GREB1L: variants seen among roughly 807,000 people sequenced by gnomAD.
GREB1L encodes GREB1-like protein.
A neutral mutation model predicts 200.8 loss-of-function variants in GREB1L; 17 were observed. The observed-to-expected ratio is 0.08, with a 90% CI of 0.06 to 0.13. GREB1L has a LOEUF of 0.13. Ranked by LOEUF, GREB1L falls within the 10% of genes least tolerant of loss-of-function variation. The pLI, the probability that GREB1L is intolerant of heterozygous loss-of-function variation, is 1.00. For missense variants in GREB1L, 1,657 were observed against 2,367.7 expected (o/e 0.70, Z 6.23); for synonymous variants, 789 against 893.0 (o/e 0.88, Z 2.08).
At chr18:21,428,332 CTTTTTTTTTTT>C (rs59982674) in intron 7 of GREB1L, among the ~76,000 whole-genome samples, 10 of 54,024 alleles carry the variant, frequency 1.9e-4, no homozygotes, top group Admixed American at 7.0e-4. Context: ...GTCTTTTTGT[CTTTTTTTTTTT>C]TTTTTTTTTT....
At chr18:21,429,270 C>G (rs528438449) in intron 7 of GREB1L, among the ~76,000 whole-genome samples, 1 of 114,902 alleles carries the variant, frequency 8.7e-6, no homozygotes. Context: ...GTCCTCTCCT[C>G]TCCTCTCCTC....
chr18:21,306,518 C>T (rs995957122), intron 1 of GREB1L, among the ~76,000 whole-genome samples: 5 of 152,158 alleles, frequency 3.3e-5, no homozygotes, highest in Non-Finnish European at 7.3e-5. Context: ...GTGTTATGTG[C>T]TTGAACAACA....
chr18:21,466,548 A>G (rs1457413964), intron 15 of GREB1L, among the ~76,000 whole-genome samples: 2 of 152,200 alleles, frequency 1.3e-5, no homozygotes, highest in African/African-American at 2.4e-5. Context: ...GAATTTGACA[A>G]AAGAAGTGCA....
chr18:21,409,712 T>C (rs2030729791), intron 7 of GREB1L, among the ~76,000 whole-genome samples: 1 of 152,182 alleles, frequency 6.6e-6, no homozygotes. Flanking sequence ...AGAGTTCTGC[T>C]ATTAAGATAC....
chr18:21,434,571 GTA>G (rs148448547), intron 7 of GREB1L, among the ~76,000 whole-genome samples: 1,885 of 135,600 alleles, frequency 0.014, 37 homozygotes, highest in African/African-American at 0.035. Flanking sequence ...ATATATGTGT[GTA>G]TATATATATA....
intron 1 of GREB1L, among the ~76,000 whole-genome samples, chr18:21,359,141 A>G (rs1276390684): frequency 1.3e-5 from 2 of 152,218 alleles, no homozygotes; most frequent in East Asian, 1.9e-4. Flanking sequence ...TGAGTATCCA[A>G]ATATTTTCAT....
At chr18:21,340,500 G>C (rs1387872201) in intron 1 of GREB1L, among the ~76,000 whole-genome samples, 2 of 151,984 alleles carry the variant, frequency 1.3e-5, no homozygotes, top group Non-Finnish European at 2.9e-5. Flanking sequence ...GGCTACTTAT[G>C]AGTGTGGTAA....
chr18:21,498,529 A>G (rs2036644856), intron 21 of GREB1L, among the ~76,000 whole-genome samples: 2 of 152,140 alleles, frequency 1.3e-5, no homozygotes, highest in African/African-American at 4.8e-5. Flanking sequence ...GAGGAGGAGG[A>G]GCACAGCCTG....
At chr18:21,443,437 C>T (rs1035869524) in intron 10 of GREB1L, among the ~76,000 whole-genome samples, 3 of 152,130 alleles carry the variant, frequency 2.0e-5, no homozygotes. Context: ...AAACTCCCGA[C>T]CTCAGGTGAT....
chr18:21,310,524 AACATGTC>A (rs2038774252), intron 1 of GREB1L, among the ~76,000 whole-genome samples: 1 of 152,222 alleles, frequency 6.6e-6, no homozygotes, highest in Admixed American at 6.5e-5. Context: ...CATTCAATGT[AACATGTC>A]ATGTAGCCTC....
At chr18:21,521,569 T>C (rs980389337) in intron 32 of GREB1L, among the ~76,000 whole-genome samples, 17 of 151,950 alleles carry the variant, frequency 1.1e-4, no homozygotes, top group African/African-American at 3.9e-4. Flanking sequence ...TTTAGAGACT[T>C]ATTGGGGATG....
At chr18:21,413,956 C>T (rs1319769339) in intron 7 of GREB1L, among the ~76,000 whole-genome samples, 2 of 152,138 alleles carry the variant, frequency 1.3e-5, no homozygotes, top group Non-Finnish European at 2.9e-5. Context: ...ACACTCTCAG[C>T]CAGGCTGGTA....
intron 1 of GREB1L, among the ~76,000 whole-genome samples, chr18:21,335,959 G>A (rs1419219344): frequency 2.0e-5 from 3 of 151,966 alleles, no homozygotes; most frequent in Non-Finnish European, 2.9e-5. Flanking sequence ...CACTGCACCC[G>A]GCCGTGTTTT....
At chr18:21,244,219 G>A (rs1201336702) in intron 1 of GREB1L, among the ~76,000 whole-genome samples, 1 of 152,074 alleles carries the variant, frequency 6.6e-6, no homozygotes, top group African/African-American at 2.4e-5. Flanking sequence ...TCCCTACACT[G>A]GTTTTTGCAA....
At chr18:21,290,036 T>A (rs2038422048) in intron 1 of GREB1L, among the ~76,000 whole-genome samples, 1 of 152,216 alleles carries the variant, frequency 6.6e-6, no homozygotes, top group Non-Finnish European at 1.5e-5. Flanking sequence ...TACTACTGCC[T>A]TGTCTCTGTG....
At chr18:21,295,352 T>G (rs2144628529) in intron 1 of GREB1L, among the ~76,000 whole-genome samples, 1 of 152,276 alleles carries the variant, frequency 6.6e-6, no homozygotes, top group Admixed American at 6.5e-5. Flanking sequence ...GACTTCTTTT[T>G]TTTCTTTTTA....
intron 1 of GREB1L, among the ~76,000 whole-genome samples, chr18:21,258,313 G>A (rs1433187706): frequency 1.3e-5 from 2 of 152,192 alleles, no homozygotes; most frequent in Non-Finnish European, 2.9e-5. Flanking sequence ...GTGGGAGTCA[G>A]ATCTTGTTTA....
At chr18:21,487,200 A>C (rs1350360910) in intron 18 of GREB1L, among the ~76,000 whole-genome samples, 1 of 152,204 alleles carries the variant, frequency 6.6e-6, no homozygotes, top group Non-Finnish European at 1.5e-5. Context: ...TTCTGGTAAC[A>C]TCATTCAGAG....
intron 1 of GREB1L, among the ~76,000 whole-genome samples, chr18:21,359,171 A>C (rs1382096116): frequency 6.6e-6 from 1 of 152,218 alleles, no homozygotes; most frequent in African/African-American, 2.4e-5. Context: ...ATAAGAAATC[A>C]GGGGCTGGGC....
Sources: gnomAD v4.1 joint callset for allele counts (sites outside exome capture counted in the v4.1 genomes callset) on GRCh38, gnomAD v4.1.1 for gene constraint, MANE v1.5 for transcripts, NCBI Gene and HGNC (gene_info 2026-07-23, HGNC 2026-07-21) for gene names.